The following CCDC178 variants were observed in gnomAD, a reference collection of about 807,000 sequenced individuals.
CCDC178 encodes coiled-coil domain containing 178.
A neutral mutation model predicts 117.4 loss-of-function variants in CCDC178; 126 were observed. The ratio of observed to expected loss-of-function variants is 1.07; its 90% CI spans 0.93 to 1.24. The LOEUF (loss-of-function observed/expected upper bound fraction) is 1.24, where lower values mean the gene tolerates loss of function less well. Among genes scored for constraint, CCDC178 ranks in the 50% most tolerant of loss-of-function variants. The probability of loss-of-function intolerance (pLI) is 0.00; values close to 1 mark genes in which losing one functional copy is unlikely to be tolerated. For synonymous variants in CCDC178, 283 were observed against 313.4 expected, an observed-to-expected ratio of 0.90 and a Z score of 1.02; for missense variants, 1,030 against 986.9, an observed-to-expected ratio of 1.04 and a Z score of -0.59.
chr18:33,374,722 ATC>A (rs149291741), intron 5 of CCDC178, among the ~76,000 whole-genome samples: 20,503 of 152,174 alleles, frequency 0.13, 1,551 homozygotes, highest in East Asian at 0.2. Context: ...AATTGAAAAA[ATC>A]TCAAATTTCC....
At chr18:32,988,118 T>TAATAATAATCATAATAAA (rs1320760752) in intron 21 of CCDC178, among the ~76,000 whole-genome samples, 2 of 132,860 alleles carry the variant, frequency 1.5e-5, no homozygotes, top group African/African-American at 5.8e-5. Flanking sequence ...ATAATAATAA[T>TAATAATAATCATAATAAA]AAATTTATCA....
At chr18:33,245,700 T>G (rs1346904789) in intron 14 of CCDC178, among the ~76,000 whole-genome samples, 2 of 151,882 alleles carry the variant, frequency 1.3e-5, no homozygotes, top group South Asian at 4.1e-4. Context: ...CTTGGCTTTT[T>G]GAACATTCAA....
At chr18:33,197,438 T>C (rs887952744) in intron 20 of CCDC178, among the ~76,000 whole-genome samples, 8 of 152,054 alleles carry the variant, frequency 5.3e-5, no homozygotes, top group Non-Finnish European at 1.0e-4. Flanking sequence ...GCTTTCAGGA[T>C]ATTTGTGTGT....
intron 21 of CCDC178, among the ~76,000 whole-genome samples, chr18:33,007,198 T>A (rs2055770060): frequency 6.6e-6 from 1 of 152,058 alleles, no homozygotes; most frequent in African/African-American, 2.4e-5. Context: ...ACAGAATTTA[T>A]AAAGGATTTT....
chr18:33,411,990 A>T lies in CCDC178; in HGVS notation c.58+41T>A, dbSNP rs201948750. 444 of 1,013,498 alleles carry T rather than the reference A, an allele frequency of 4.4e-4. 3 individuals are homozygous for T. The African/African-American group carries it at 6.7e-3, about 15-fold the overall frequency. 62.8% of individuals were successfully genotyped at this position (1,013,498 alleles called of 1,614,324 possible). ...TAAGTGATGTGAATTCCATTTATCT[A>T]TGAACTATTTTCAAAGAAAATCAAT... On this transcript the variant is annotated intron_variant, in intron 3 of 22. Transcript: ENST00000383096.
intron 12 of CCDC178, among the ~76,000 whole-genome samples, chr18:33,290,973 C>G (rs1056654535): frequency 2.6e-5 from 4 of 152,048 alleles, no homozygotes; most frequent in Non-Finnish European, 5.9e-5. Context: ...TCACATCTGG[C>G]AAGTGAAACA....
chr18:33,430,704 C>A (rs1486426788), intron 2 of CCDC178, among the ~76,000 whole-genome samples: 2 of 152,200 alleles, frequency 1.3e-5, no homozygotes, highest in Non-Finnish European at 2.9e-5. Context: ...TGTTAAACCA[C>A]TGTGATGTTG....
At chr18:33,167,145 G>A (rs565819839) in intron 20 of CCDC178, among the ~76,000 whole-genome samples, 1 of 152,242 alleles carries the variant, frequency 6.6e-6, no homozygotes, top group African/African-American at 2.4e-5. Context: ...ATTCCGTGGT[G>A]AATACATATC....
rs2055523286 is a variant in CCDC178 at position 32,996,936 on chromosome 18, C to T, written c.2389-22255G>A. Among the ~76,000 whole-genome samples the T allele has an allele frequency of 5.3e-5, 8 of 152,038 alleles. No homozygotes were observed. In the South Asian group the frequency reaches 1.7e-3, roughly 32 times the overall value. ...CAGAAATGCATTATAGATGAATTAGCACAAATGTTAAGTAAAGTTATAGAA... is the reference window on the plus strand; with the variant it reads ...CAGAAATGCATTATAGATGAATTAGTACAAATGTTAAGTAAAGTTATAGAA... On this transcript the variant is annotated intron_variant, in intron 21 of 22. Transcript: ENST00000383096.
At chr18:33,302,700 T>C (rs2062192907) in intron 11 of CCDC178, among the ~76,000 whole-genome samples, 1 of 152,214 alleles carries the variant, frequency 6.6e-6, no homozygotes, top group South Asian at 2.1e-4. Context: ...AATCTTGTCA[T>C]TCACAGCAAC....
In CCDC178 at chr18:33,323,489, A is replaced by G; in HGVS notation, c.1022+2T>C. On this transcript the variant is annotated splice_donor_variant, in intron 11 of 22. Coordinates refer to ENST00000383096, the MANE Select transcript of CCDC178 (RefSeq NM_001105528.4). LOFTEE classifies it high-confidence loss of function. ...TAATTAGTGTTTGCGAAAAATTCTT[A>G]CTTGTAGGCCTCTATGGTTTTTTCA... 1 of 1,472,186 alleles carries G rather than the reference A, an allele frequency of 6.8e-7. No homozygotes were observed. Among genetic ancestry groups the G allele is most frequent in the Non-Finnish European group, 9.0e-7 (1 of 1,112,242 alleles). The allele number at this position is 1,472,186 out of a possible 1,614,324, so 91.2% of individuals were successfully genotyped here. A position where few individuals can be genotyped will look rare whatever the true frequency, so the allele number is the denominator to read the frequency against.
chr18:33,314,134 G>A (rs984994189), intron 11 of CCDC178, among the ~76,000 whole-genome samples: 1 of 142,784 alleles, frequency 7.0e-6, no homozygotes, highest in Admixed American at 7.2e-5. Context: ...CCGGGAGGCG[G>A]AGCTTGCAGT....
intron 21 of CCDC178, among the ~76,000 whole-genome samples, chr18:33,042,545 T>C (rs2056568189): frequency 6.6e-6 from 1 of 151,910 alleles, no homozygotes; most frequent in Non-Finnish European, 1.5e-5. Flanking sequence ...TGTATCTTTA[T>C]TATATGCTAG....
intron 20 of CCDC178, among the ~76,000 whole-genome samples, chr18:33,114,788 T>C (rs2057831111): frequency 6.6e-6 from 1 of 152,088 alleles, no homozygotes; most frequent in African/African-American, 2.4e-5. Context: ...ATTCTTCTAA[T>C]AGGACAGACC....
At chr18:33,128,624 T>A (rs2058035594) in intron 20 of CCDC178, among the ~76,000 whole-genome samples, 1 of 152,150 alleles carries the variant, frequency 6.6e-6, no homozygotes, top group African/African-American at 2.4e-5. Flanking sequence ...AATTGCCTTT[T>A]TATTTAATTA....
At chr18:33,151,692 T>G (rs892197256) in intron 20 of CCDC178, among the ~76,000 whole-genome samples, 1 of 152,220 alleles carries the variant, frequency 6.6e-6, no homozygotes. Context: ...GTTTCTCATT[T>G]CTGTATCTGT....
At chr18:33,290,440 A>G (rs2060152389) in intron 12 of CCDC178, among the ~76,000 whole-genome samples, 1 of 152,158 alleles carries the variant, frequency 6.6e-6, no homozygotes, top group African/African-American at 2.4e-5. Flanking sequence ...TTCCAAGAAT[A>G]TTGATTAAGG....
intron 21 of CCDC178, among the ~76,000 whole-genome samples, chr18:33,086,018 C>T (rs997114244): frequency 1.3e-5 from 2 of 151,900 alleles, no homozygotes; most frequent in Admixed American, 6.6e-5. Context: ...GATAATCCCA[C>T]AGAATTGAAA....
chr18:33,243,859 T>G (rs940558097), intron 15 of CCDC178, among the ~76,000 whole-genome samples: 1 of 151,932 alleles, frequency 6.6e-6, no homozygotes, highest in Non-Finnish European at 1.5e-5. Flanking sequence ...GATATCTTCA[T>G]TGATATCCTC....
Sources: allele counts gnomAD v4.1 joint callset (sites outside exome capture counted in the v4.1 genomes callset), GRCh38; gene constraint gnomAD v4.1.1; transcripts MANE v1.5; gene names NCBI Gene and HGNC (gene_info 2026-07-23, HGNC 2026-07-21).